Variants in LRP2 observed in about 807,000 individuals in gnomAD.
LRP2 encodes LDL receptor related protein 2.
In LRP2, 172 loss-of-function variants were observed where a neutral mutation model predicts 531.0. The observed-to-expected ratio is 0.32, with a 90% confidence interval of 0.29 to 0.37. The LOEUF (loss-of-function observed/expected upper bound fraction) is 0.37. Ranked by LOEUF, LRP2 falls within the 10% of genes least tolerant of loss-of-function variation. The pLI, the probability that LRP2 is intolerant of heterozygous loss-of-function variation, is 1.00. For synonymous variants in LRP2, 1,992 were observed against 2,027.6 expected (o/e 0.98, Z 0.47); for missense variants, 5,167 against 5,868.3 (o/e 0.88, Z 3.90).
At chr2:169,152,673 C>T (rs913556291) in intron 67 of LRP2, 126 bp downstream of exon 67, 11 of 1,063,318 alleles carry the variant, frequency 1.0e-5, no homozygotes, top group East Asian at 9.6e-5. Context: ...CAACCACTGC[C>T]CAGCTGCACC....
intron 31 of LRP2, among the ~76,000 whole-genome samples, chr2:169,228,311 T>TAA (rs56358282): frequency 0.011 from 1,509 of 133,168 alleles, 27 homozygotes; most frequent in African/African-American, 0.039. Flanking sequence ...ACTGCAACAG[T>TAA]AAAAAAAAAA....
intron 63 of LRP2, among the ~76,000 whole-genome samples, chr2:169,160,405 G>C (rs1228196214): frequency 6.6e-6 from 1 of 151,522 alleles, no homozygotes; most frequent in African/African-American, 2.4e-5. Context: ...TTAAAAAATC[G>C]AACAATGTGT....
chr2:169,218,857 T>C (rs949838497), intron 34 of LRP2, among the ~76,000 whole-genome samples: 1 of 152,182 alleles, frequency 6.6e-6, no homozygotes, highest in African/African-American at 2.4e-5. Flanking sequence ...TGGCAGAGCA[T>C]CCATCAGCCT....
chr2:169,228,582 TC>T (rs1689284494), intron 31 of LRP2, among the ~76,000 whole-genome samples: 1 of 152,174 alleles, frequency 6.6e-6, no homozygotes, highest in African/African-American at 2.4e-5. Flanking sequence ...GCATATCTCA[TC>T]CATTATGCAT....
intron 15 of LRP2, among the ~76,000 whole-genome samples, chr2:169,271,427 C>G (rs150758457): frequency 6.6e-6 from 1 of 151,768 alleles, no homozygotes; most frequent in Non-Finnish European, 1.5e-5. Context: ...GACGAGTTAA[C>G]GGGTGCAGCA....
chr2:169,236,620 A>G (rs1219458051), intron 28 of LRP2, among the ~76,000 whole-genome samples: 1 of 152,228 alleles, frequency 6.6e-6, no homozygotes, highest in Non-Finnish European at 1.5e-5. Flanking sequence ...TTCCAAACAC[A>G]TGGGAGAATT....
At chr2:169,178,490 G>A (rs1416969085) in intron 52 of LRP2, among the ~76,000 whole-genome samples, 5 of 152,164 alleles carry the variant, frequency 3.3e-5, no homozygotes, top group South Asian at 2.1e-4. Flanking sequence ...CGGAGGGGAC[G>A]TTATTCTAGG....
At chr2:169,141,911 T>C (rs1387889152) in intron 71 of LRP2, among the ~76,000 whole-genome samples, 1 of 152,178 alleles carries the variant, frequency 6.6e-6, no homozygotes, top group Non-Finnish European at 1.5e-5. Flanking sequence ...CCTCAGCCTG[T>C]TTGGAATGAG....
chr2:169,280,209 A>C (rs994888822), intron 11 of LRP2, 141 bp downstream of exon 11: 17 of 837,380 alleles, frequency 2.0e-5, no homozygotes, highest in Non-Finnish European at 3.2e-5. Context: ...AGCATGGAAA[A>C]GGTGCTGATT....
intron 42 of LRP2, among the ~76,000 whole-genome samples, chr2:169,203,251 T>C (rs575238702): frequency 1.1e-4 from 17 of 152,358 alleles, no homozygotes; most frequent in Admixed American, 1.0e-3. Flanking sequence ...TTCCCGTGAA[T>C]TTGTTGTTCT....
At chr2:169,224,153 T>G (rs1689116545) in intron 33 of LRP2, among the ~76,000 whole-genome samples, 1 of 152,254 alleles carries the variant, frequency 6.6e-6, no homozygotes, top group Admixed American at 6.5e-5. Flanking sequence ...AGCAGGCTGC[T>G]GTGCGCCTTG....
chr2:169,294,388 T>A, intron 5 of LRP2, 127 bp from the exon 6 acceptor site: 2 of 774,474 alleles, frequency 2.6e-6, no homozygotes, highest in South Asian at 2.9e-5. Context: ...TGCTGGTAAC[T>A]GTTTAAGAAC....
chr2:169,294,994 C>T (rs1426298555), intron 4 of LRP2, among the ~76,000 whole-genome samples: 2 of 152,012 alleles, frequency 1.3e-5, no homozygotes, highest in Non-Finnish European at 2.9e-5. Context: ...GATTTGGGGG[C>T]CCAGAAAAGT....
At chr2:169,353,258 C>A (rs1343934727) in intron 1 of LRP2, among the ~76,000 whole-genome samples, 1 of 152,106 alleles carries the variant, frequency 6.6e-6, no homozygotes, top group Non-Finnish European at 1.5e-5. Context: ...CTAAAACCTT[C>A]TCAAAGTTGG....
chr2:169,146,487 T>G (rs1162503924), intron 69 of LRP2, among the ~76,000 whole-genome samples: 2 of 152,208 alleles, frequency 1.3e-5, no homozygotes, highest in Non-Finnish European at 2.9e-5. Flanking sequence ...AACTCAGTTA[T>G]TTCAATATCT....
At chr2:169,324,654 C>T (rs1352737959) in intron 1 of LRP2, among the ~76,000 whole-genome samples, 1 of 150,830 alleles carries the variant, frequency 6.6e-6, no homozygotes, top group Non-Finnish European at 1.5e-5. Context: ...AAGAGTAATC[C>T]TTTCTTCATA....
intron 64 of LRP2, 57 bp from the exon 65 acceptor site, chr2:169,156,462 T>C: frequency 1.2e-6 from 2 of 1,608,240 alleles, no homozygotes; most frequent in Non-Finnish European, 8.5e-7. Flanking sequence ...TCCTTAGAGA[T>C]CTTGCTTCTG....
At chr2:169,322,872 G>A (rs1684943046) in intron 1 of LRP2, among the ~76,000 whole-genome samples, 1 of 152,032 alleles carries the variant, frequency 6.6e-6, no homozygotes, top group African/African-American at 2.4e-5. Flanking sequence ...TGAGTATTTA[G>A]GAGGAAATTA....
chr2:169,354,344 C>T (rs2105581110), intron 1 of LRP2, among the ~76,000 whole-genome samples: 1 of 152,322 alleles, frequency 6.6e-6, no homozygotes, highest in East Asian at 1.9e-4. Context: ...TAAAGGAGAC[C>T]TTGGATATTG....
Sources: gnomAD v4.1 joint callset for allele counts (sites outside exome capture counted in the v4.1 genomes callset) on GRCh38, gnomAD v4.1.1 for gene constraint, MANE v1.5 for transcripts, NCBI Gene and HGNC (gene_info 2026-07-23, HGNC 2026-07-21) for gene names.